STARD13: variants seen among roughly 807,000 people sequenced by gnomAD.
The protein encoded by STARD13 is StAR related lipid transfer domain containing 13.
Under a neutral mutation model 106.4 loss-of-function variants are expected in STARD13, and 62 were observed. The ratio of observed to expected loss-of-function variants is 0.58; its 90% CI spans 0.48 to 0.72. The LOEUF is 0.72. STARD13 is among the 30% of genes least tolerant of loss of function. The pLI, the probability that STARD13 is intolerant of heterozygous loss-of-function variation, is 0.00. For missense variants in STARD13, 1,387 were observed against 1,424.0 expected (o/e 0.97, Z 0.42); for synonymous variants, 565 against 553.0 (o/e 1.02, Z -0.31).
At chr13:33,447,503 A>T in the STARD13 span, among the ~76,000 whole-genome samples, 2 of 152,130 alleles carry the variant, frequency 1.3e-5, no homozygotes, top group Non-Finnish European at 2.9e-5. Context: ...TCCAACTTGG[A>T]CATTAGACTT....
the STARD13 span, among the ~76,000 whole-genome samples, chr13:33,636,139 C>CA: frequency 0.021 from 968 of 46,342 alleles, 24 homozygotes; most frequent in Non-Finnish European, 0.027. Flanking sequence ...GACTCTGTCT[C>CA]AAAAAAAAAA....
At position 33,186,515 on chromosome 13, in the gene STARD13, A is replaced by T; in HGVS notation, c.170-18893T>A. On this transcript the variant is annotated intron_variant, in intron 1 of 13. Transcript: ENST00000336934. ...ATTCCACAGTTGACTAAAAGCAGCAAAGATGATGATTCTAAGAGACTTCCT... is the reference window on the plus strand; with the variant it reads ...ATTCCACAGTTGACTAAAAGCAGCATAGATGATGATTCTAAGAGACTTCCT... Among the ~76,000 whole-genome samples the T allele has an allele frequency of 1.3e-5, 2 of 152,212 alleles. 1 individual carries two copies. The highest frequency in any genetic ancestry group is 2.9e-5 in the Non-Finnish European group (2 of 68,044).
At chr13:33,288,331 C>T (rs13378853), upstream of STARD13, among the ~76,000 whole-genome samples, 23,831 of 151,826 alleles carry the variant, frequency 0.16, 2,366 homozygotes, top group Non-Finnish European at 0.22. Flanking sequence ...ATTGCAGTGG[C>T]GCAATCATAG....
chr13:33,480,373 C>A, the STARD13 span, among the ~76,000 whole-genome samples: 1 of 152,080 alleles, frequency 6.6e-6, no homozygotes, highest in Non-Finnish European at 1.5e-5. Context: ...AAATATGTAT[C>A]CACTTGGTGA....
At chr13:33,406,903 C>T in the STARD13 span, among the ~76,000 whole-genome samples, 2 of 152,066 alleles carry the variant, frequency 1.3e-5, no homozygotes, top group Admixed American at 6.5e-5. Flanking sequence ...TAAAAGCATA[C>T]CGAGTGCTGA....
At chr13:33,442,710 C>A in the STARD13 span, among the ~76,000 whole-genome samples, 1 of 151,848 alleles carries the variant, frequency 6.6e-6, no homozygotes, top group Non-Finnish European at 1.5e-5. Context: ...AAAAATGAGC[C>A]CCTCATGTAT....
chr13:33,213,203 T>C (rs1032384418), intron 1 of STARD13, among the ~76,000 whole-genome samples: 2 of 152,210 alleles, frequency 1.3e-5, no homozygotes, highest in Non-Finnish European at 2.9e-5. Flanking sequence ...ATGTCGGCAA[T>C]GCCTTATCTC....
the STARD13 span, among the ~76,000 whole-genome samples, chr13:33,460,058 C>A: frequency 1.3e-5 from 2 of 152,168 alleles, no homozygotes; most frequent in African/African-American, 4.8e-5. Flanking sequence ...TCGGAGTTCA[C>A]TGAGCTTTCC....
At position 33,113,399 on chromosome 13, in the gene STARD13, T is replaced by G. The variant is rs1443995925; in HGVS notation, c.2282-468A>C. On this transcript the variant is annotated intron_variant, in intron 8 of 13. Coordinates refer to ENST00000336934, the MANE Select transcript of STARD13 (RefSeq NM_178006.4). Reference sequence around the variant, plus strand: ...TGAAAACCACTGGGTTAGGGAACAGTAGCCTCGCCTTGCGTTTCTCCACCC... The same window carrying G: ...TGAAAACCACTGGGTTAGGGAACAGGAGCCTCGCCTTGCGTTTCTCCACCC... 5 of 424,678 alleles carry G rather than the reference T, an allele frequency of 1.2e-5. No homozygotes were observed. The Admixed American group carries it at 1.3e-4, about 11-fold the overall frequency. 26.3% of individuals were successfully genotyped at this position (424,678 alleles called of 1,614,324 possible).
chr13:33,165,228 G>T, intron 3 of STARD13, 109 bp downstream of exon 3: 1 of 823,104 alleles, frequency 1.2e-6, no homozygotes, highest in Non-Finnish European at 2.1e-6. Flanking sequence ...CAGGCACATG[G>T]TAGGCACTCA....
At chr13:33,115,384 T>C (rs939876112) in intron 8 of STARD13, among the ~76,000 whole-genome samples, 3 of 152,216 alleles carry the variant, frequency 2.0e-5, no homozygotes, top group African/African-American at 7.2e-5. Flanking sequence ...CCTTGATTAG[T>C]ATGCTGACTC....
chr13:33,593,473 G>A, the STARD13 span, among the ~76,000 whole-genome samples: 5 of 152,166 alleles, frequency 3.3e-5, no homozygotes, highest in African/African-American at 1.2e-4. Flanking sequence ...ATGAGCCACC[G>A]TGCCCTGCCA....
chr13:33,478,546 CT>C, the STARD13 span, among the ~76,000 whole-genome samples: 2 of 151,910 alleles, frequency 1.3e-5, no homozygotes, highest in Non-Finnish European at 2.9e-5. Flanking sequence ...ACTGATGTTA[CT>C]TTTTTTTCAA....
chr13:33,222,074 G>C (rs775513448), intron 1 of STARD13, among the ~76,000 whole-genome samples: 1 of 151,362 alleles, frequency 6.6e-6, no homozygotes, highest in South Asian at 2.1e-4. Flanking sequence ...GCTTGAACCC[G>C]GGAGGTAGAG....
At chr13:33,286,814 C>T (rs1033687920), upstream of STARD13, among the ~76,000 whole-genome samples, 1 of 151,848 alleles carries the variant, frequency 6.6e-6, no homozygotes, top group African/African-American at 2.4e-5. Flanking sequence ...TTTAAGCAAA[C>T]TGCTAGTAAT....
At chr13:33,253,900 G>A (rs1245931482) in intron 1 of STARD13, among the ~76,000 whole-genome samples, 1 of 152,212 alleles carries the variant, frequency 6.6e-6, no homozygotes, top group Non-Finnish European at 1.5e-5. Context: ...ATAAATGAAG[G>A]TTTTTCAACA....
At chr13:33,515,895 T>C in the STARD13 span, among the ~76,000 whole-genome samples, 2 of 152,142 alleles carry the variant, frequency 1.3e-5, no homozygotes, top group South Asian at 4.1e-4. Context: ...CCACTAATTC[T>C]CTGTTGCCCA....
rs61941392 is a variant in STARD13, at chr13:33,224,347, G to A, written c.170-56725C>T. 3.6e-3 allele frequency among the ~76,000 whole-genome samples: 544 copies of A among 152,198 alleles called. 1 individual carries two copies. The highest frequency in any genetic ancestry group is 5.7e-3 in the Non-Finnish European group (390 of 68,004). On this transcript the variant is annotated intron_variant, in intron 1 of 13. Coordinates refer to ENST00000336934, the MANE Select transcript of STARD13 (RefSeq NM_178006.4). Reference sequence around the variant, plus strand: ...GTACTGTATCTTTACAATAAAGTCTGTATTAGTCAGGATAGGCTAAGTTAT... The same window carrying A: ...GTACTGTATCTTTACAATAAAGTCTATATTAGTCAGGATAGGCTAAGTTAT...
At chr13:33,591,092 G>A in the STARD13 span, among the ~76,000 whole-genome samples, 4 of 152,242 alleles carry the variant, frequency 2.6e-5, no homozygotes, top group Non-Finnish European at 5.9e-5. Context: ...CTTGCCAGTA[G>A]CATTCTCCTA....
Sources: gnomAD v4.1 joint callset for allele counts (sites outside exome capture counted in the v4.1 genomes callset) on GRCh38, gnomAD v4.1.1 for gene constraint, MANE v1.5 for transcripts, NCBI Gene and HGNC (gene_info 2026-07-23, HGNC 2026-07-21) for gene names.